Variants in GUSB observed in about 807,000 individuals in gnomAD.
GUSB encodes beta-glucuronidase.
Under a neutral mutation model 74.6 loss-of-function variants are expected in GUSB, and 51 were observed. The observed-to-expected ratio is 0.68, with a 90% confidence interval of 0.55 to 0.86. GUSB has a LOEUF of 0.86. GUSB is among the 40% of genes least tolerant of loss of function. GUSB has a pLI of 0.00. For synonymous variants in GUSB, 360 were observed against 348.3 expected, an observed-to-expected ratio of 1.03 and a Z score of -0.37; for missense variants, 736 against 853.7, an observed-to-expected ratio of 0.86 and a Z score of 1.72.
In GUSB at chr7:65,967,797, A is replaced by G. The variant is rs766339888; in HGVS notation, c.1587T>C (p.Tyr529=). Residue 529 remains tyrosine, a synonymous_variant, in exon 10 of 12, where the codon TAT becomes TAC. Transcript: ENST00000304895. ...LQLATQFENW[Y]KKYQKPIIQS... ...GAATAATGGGCTTCTGATACTTCTT[A>G]TACCAGTTCTCAAACTGGGTGGCCA... is the stretch of plus-strand genomic sequence containing the variant. The G allele has an allele frequency of 6.2e-7, 1 of 1,612,822 alleles. No homozygotes were observed. Among genetic ancestry groups the G allele is most frequent in the Non-Finnish European group, 8.5e-7 (1 of 1,179,540 alleles).
At chr7:65,976,523 T>G (rs930643670) in intron 4 of GUSB, among the ~76,000 whole-genome samples, 1 of 151,828 alleles carries the variant, frequency 6.6e-6, no homozygotes, top group Non-Finnish European at 1.5e-5. Context: ...ATGGGTTTTG[T>G]CATATTGGCC....
At chr7:65,962,572 CTTTTT>C (rs1166199299) in intron 11 of GUSB, among the ~76,000 whole-genome samples, 1 of 151,974 alleles carries the variant, frequency 6.6e-6, no homozygotes, top group Non-Finnish European at 1.5e-5. Context: ...TTTCTTTTTT[CTTTTT>C]AAGACCGAGT....
At chr7:65,974,826 C>T (rs890225813) in intron 6 of GUSB, 93 bp downstream of exon 6, 8 of 1,553,708 alleles carry the variant, frequency 5.1e-6, no homozygotes, top group Non-Finnish European at 7.1e-6. Flanking sequence ...TGCCTCATTG[C>T]CCTGAGCTGC....
chr7:65,981,264 A>G (rs1415719012), intron 1 of GUSB, among the ~76,000 whole-genome samples: 1 of 123,200 alleles, frequency 8.1e-6, no homozygotes, highest in East Asian at 2.4e-4. Context: ...TAGTCTCACT[A>G]TGTCGCCCAA....
intron 4 of GUSB, among the ~76,000 whole-genome samples, chr7:65,977,808 A>ATT (rs918615333): frequency 6.6e-6 from 1 of 151,410 alleles, no homozygotes; most frequent in Non-Finnish European, 1.5e-5. Flanking sequence ...ATATATATAT[A>ATT]TTTTTTTATT....
At chr7:65,979,692 G>C (rs1249339653) in intron 3 of GUSB, 35 bp downstream of exon 3, 1 of 1,604,238 alleles carries the variant, frequency 6.2e-7, no homozygotes. Flanking sequence ...GGGCGGGAAG[G>C]TGGGTGTGTG....
rs753418868 is a variant in GUSB, at chr7:65,980,605, TTCC to T, written c.211-199_211-197del. 608 of 621,950 alleles carry T rather than the reference TTCC, an allele frequency of 9.8e-4. 7 individuals carry two copies. The highest frequency in any genetic ancestry group is 2.0e-3 in the East Asian group (72 of 35,680). The allele number at this position is 621,950 out of a possible 1,614,324, so 38.5% of individuals were successfully genotyped here. Reference sequence around the variant, plus strand: ...GCACCTGGGCCAGTGGGGCCAGGAGTTCCTCCTCAGAGTGGATGGGGCACAATA... The same window carrying T: ...GCACCTGGGCCAGTGGGGCCAGGAGTTCCTCAGAGTGGATGGGGCACAATA... On this transcript the variant is annotated intron_variant, in intron 1 of 11. Coordinates refer to ENST00000304895, the MANE Select transcript of GUSB (RefSeq NM_000181.4).
intron 10 of GUSB, among the ~76,000 whole-genome samples, chr7:65,967,441 G>A (rs1317133116): frequency 6.6e-6 from 1 of 152,156 alleles, no homozygotes; most frequent in South Asian, 2.1e-4. Context: ...GTGACAGAGA[G>A]ATCCGGTCTC....
intron 10 of GUSB, 53 bp from the exon 11 acceptor site, chr7:65,964,511 T>C (rs1790706089): frequency 6.4e-7 from 1 of 1,569,720 alleles, no homozygotes. Flanking sequence ...GAATTGTAAA[T>C]GTTAGATAAA....
At position 65,982,014 on chromosome 7, in the gene GUSB, C is replaced by G. The variant is rs769252159; in HGVS notation, c.170G>C (p.Arg57Pro). 1 of 1,609,994 alleles carries G rather than the reference C, an allele frequency of 6.2e-7. No individual in the cohort carries two copies. ...FRADFSDNRR[R>P]GFEEQWYRRP... is the part of the protein sequence containing the mutation. ...CCGGTACCACTGCTCCTCGAAGCCC[C>G]GGCGTCGGTTGTCAGAGAAGTCGGC... Residue 57 changes from arginine (R) to proline (P), a missense_variant, in exon 1 of 12, where the codon CGG becomes CCG. Coordinates refer to ENST00000304895, the MANE Select transcript of GUSB (RefSeq NM_000181.4).
chr7:65,967,243 C>T (rs917922245), intron 10 of GUSB, among the ~76,000 whole-genome samples: 9 of 152,030 alleles, frequency 5.9e-5, no homozygotes, highest in Admixed American at 6.6e-5. Flanking sequence ...TCACTTGAGG[C>T]CAGGAGTTCA....
chr7:65,969,818 C>T (rs1791077742), intron 9 of GUSB, among the ~76,000 whole-genome samples: 1 of 152,176 alleles, frequency 6.6e-6, no homozygotes, highest in Non-Finnish European at 1.5e-5. Context: ...CAGGTGTGGG[C>T]CAGATGAACT....
Position 65,980,424 on chromosome 7 carries a change from G to GC in GUSB, c.211-16dup, listed in dbSNP as rs751755879. The GC allele has an allele frequency of 6.2e-7, 1 of 1,609,840 alleles. No individual in the cohort carries two copies. The highest frequency in any genetic ancestry group is 1.1e-5 in the South Asian group (1 of 90,410). On this transcript the variant is annotated splice_polypyrimidine_tract_variant and intron_variant, in intron 1 of 11. Transcript: ENST00000304895. The stretch of plus-strand genomic sequence containing the variant: ...GTGGGGCCTGACTGTGGAGAGAAGA[G>GC]CCGGGCTCAGCTCCTAGGCCCCCAA...
At chr7:65,965,694 T>C (rs894764769) in intron 10 of GUSB, among the ~76,000 whole-genome samples, 2 of 152,086 alleles carry the variant, frequency 1.3e-5, no homozygotes, top group Admixed American at 1.3e-4. Flanking sequence ...CATGCCCAAC[T>C]AATTTTAAAT....
Position 65,965,091 on chromosome 7 carries a change from A to AC in GUSB, c.1654-634_1654-633insG, listed in dbSNP as rs545028138. Among the ~76,000 whole-genome samples the AC allele has an allele frequency of 2.0e-5, 3 of 150,908 alleles. No homozygotes were observed. In the South Asian group the frequency reaches 6.2e-4, roughly 31 times the overall value. ...CTCTAATAAATATATATATATATAT[A>AC]AAAATTAAATTAAATTAAACTCAAC... On this transcript the variant is annotated intron_variant, in intron 10 of 11. Transcript: ENST00000304895.
At chr7:65,978,861 T>C (rs1189720902) in intron 4 of GUSB, among the ~76,000 whole-genome samples, 1 of 151,968 alleles carries the variant, frequency 6.6e-6, no homozygotes, top group African/African-American at 2.4e-5. Context: ...CACTGCACCC[T>C]TGACATCCCA....
Position 65,967,848 on chromosome 7 carries a change from C to G in GUSB, c.1536G>C (p.Gly512=). The part of the protein sequence containing the change: ...NSYYSWYHDY[G]HLELIQLQLA... ...GCTGCAGCTGAATCAACTCCAGGTGCCCGTAGTCGTGATACCAAGAGTAGT... is the reference window on the plus strand; with the variant it reads ...GCTGCAGCTGAATCAACTCCAGGTGGCCGTAGTCGTGATACCAAGAGTAGT... The change falls in exon 10 of 12, where the codon GGG becomes GGC. Residue 512 remains glycine, a synonymous_variant. Coordinates refer to ENST00000304895, the MANE Select transcript of GUSB (RefSeq NM_000181.4). 6.2e-7 allele frequency: 1 copy of G among 1,607,722 alleles called. No individual in the cohort carries two copies. The highest frequency in any genetic ancestry group is 1.1e-5 in the South Asian group (1 of 91,080).
intron 1 of GUSB, among the ~76,000 whole-genome samples, chr7:65,981,386 C>T (rs1380179587): frequency 6.6e-6 from 1 of 151,884 alleles, no homozygotes; most frequent in Non-Finnish European, 1.5e-5. Flanking sequence ...CATGAACCAC[C>T]ACACTTGGCT....
At chr7:65,962,669 T>TC (rs1790573696) in intron 11 of GUSB, among the ~76,000 whole-genome samples, 1 of 152,026 alleles carries the variant, frequency 6.6e-6, no homozygotes, top group African/African-American at 2.4e-5. Context: ...GGTCGGTAGT[T>TC]CAAGCCCAGC....
Sources: gnomAD v4.1 joint callset for allele counts (sites outside exome capture counted in the v4.1 genomes callset) on GRCh38, gnomAD v4.1.1 for gene constraint, MANE v1.5 for transcripts, NCBI Gene and HGNC (gene_info 2026-07-23, HGNC 2026-07-21) for gene names.